MTDH: variants seen among roughly 807,000 people sequenced by gnomAD.
The protein encoded by MTDH is metadherin.
Under a neutral mutation model 72.7 loss-of-function variants are expected in MTDH, and 34 were observed. The ratio of observed to expected loss-of-function variants is 0.47; its 90% CI spans 0.36 to 0.62. The LOEUF is 0.62. Ranked by LOEUF, MTDH falls within the 20% of genes least tolerant of loss-of-function variation. The pLI, the probability that MTDH is intolerant of heterozygous loss-of-function variation, is 0.00. For missense variants in MTDH, 677 were observed against 699.4 expected (o/e 0.97, Z 0.36); for synonymous variants, 266 against 268.9 (o/e 0.99, Z 0.10).
chr8:97,670,799 C>G (rs1321986489), intron 2 of MTDH, among the ~76,000 whole-genome samples: 1 of 151,988 alleles, frequency 6.6e-6, no homozygotes, highest in Non-Finnish European at 1.5e-5. Context: ...CTCTGTTGCC[C>G]AGGCTGGAGT....
intron 9 of MTDH, among the ~76,000 whole-genome samples, chr8:97,715,391 A>C (rs920564994): frequency 1.3e-5 from 2 of 152,036 alleles, no homozygotes; most frequent in African/African-American, 4.8e-5. Context: ...AGCCTCCCAA[A>C]GTGCTGGGAT....
In MTDH at chr8:97,644,841, A is replaced by G; in HGVS notation, c.335A>G (p.Glu112Gly). The part of the protein sequence containing the change: ...DLALLKNLRS[E>G]EQKKKNRKKL... ...GCCTTGCTGAAGAATCTCCGGAGCG[A>G]GGAACAGAAGAAGAAGAACCGGAAG... Residue 112 changes from glutamate to glycine, a missense_variant, in exon 1 of 12, where the codon GAG becomes GGG. This residue lies in a region of MTDH where 467 missense variants were observed against 469.1 expected (regional missense o/e 1.00). Coordinates refer to ENST00000336273, the MANE Select transcript of MTDH (RefSeq NM_178812.4). 1 of 1,577,516 alleles carries G rather than the reference A, an allele frequency of 6.3e-7. No individual in the cohort carries two copies. The highest frequency in any genetic ancestry group is 8.6e-7 in the Non-Finnish European group (1 of 1,169,092).
At chr8:97,705,457 A>T (rs1263605498) in intron 7 of MTDH, among the ~76,000 whole-genome samples, 2 of 130,734 alleles carry the variant, frequency 1.5e-5, no homozygotes, top group Non-Finnish European at 3.3e-5. Context: ...AAAATTAGCC[A>T]GGTGTGGTGG....
At chr8:97,717,372 G>A (rs570881295) in intron 9 of MTDH, among the ~76,000 whole-genome samples, 22 of 152,242 alleles carry the variant, frequency 1.4e-4, no homozygotes, top group Admixed American at 4.6e-4. Context: ...AGCATATAAT[G>A]TGCTCTAGAA....
At chr8:97,694,856 G>C (rs1483511964) in intron 6 of MTDH, among the ~76,000 whole-genome samples, 1 of 151,914 alleles carries the variant, frequency 6.6e-6, no homozygotes, top group Non-Finnish European at 1.5e-5. Context: ...CTGGGAAGCG[G>C]AGATTGCAGT....
At chr8:97,697,380 G>A (rs931400308) in intron 6 of MTDH, among the ~76,000 whole-genome samples, 4 of 134,780 alleles carry the variant, frequency 3.0e-5, no homozygotes, top group South Asian at 2.4e-4. Flanking sequence ...TTATTATTTC[G>A]GTTTTTTTTT....
intron 1 of MTDH, among the ~76,000 whole-genome samples, chr8:97,647,838 G>C (rs946691676): frequency 2.0e-5 from 3 of 152,026 alleles, no homozygotes; most frequent in African/African-American, 7.3e-5. Flanking sequence ...CAGCACTTTG[G>C]GAGGCACTGT....
intron 1 of MTDH, among the ~76,000 whole-genome samples, chr8:97,655,408 A>C (rs969790271): frequency 2.0e-5 from 3 of 152,260 alleles, no homozygotes; most frequent in Admixed American, 6.5e-5. Context: ...AAGAAAGATA[A>C]CATTACAATG....
chr8:97,664,820 G>T (rs1214138883), intron 2 of MTDH, among the ~76,000 whole-genome samples: 2 of 150,858 alleles, frequency 1.3e-5, no homozygotes, highest in Non-Finnish European at 2.9e-5. Flanking sequence ...GGAGTGCAAT[G>T]GCACGATCTC....
chr8:97,712,138 A>G (rs1305175884), intron 8 of MTDH, among the ~76,000 whole-genome samples: 2 of 152,184 alleles, frequency 1.3e-5, no homozygotes, highest in Admixed American at 6.5e-5. Flanking sequence ...CCCAGGTTCA[A>G]GCAGTTCTCC....
At chr8:97,645,687 G>A (rs1440781832) in intron 1 of MTDH, among the ~76,000 whole-genome samples, 1 of 152,206 alleles carries the variant, frequency 6.6e-6, no homozygotes, top group African/African-American at 2.4e-5. Context: ...GCCACGTGTG[G>A]AAGTTGCAGA....
rs76583146 is a variant in MTDH, at chr8:97,715,845, C to T, written c.1380+2076C>T. ...GATAGATGTATTCTGAAATGTTTAACGTATTGGCAAAGGTCATTAACATGT... is the reference window on the plus strand; with the variant it reads ...GATAGATGTATTCTGAAATGTTTAATGTATTGGCAAAGGTCATTAACATGT... On this transcript the variant is annotated intron_variant, in intron 9 of 11. Transcript: ENST00000336273. Among the ~76,000 whole-genome samples, 1,127 of 152,268 alleles carry T rather than the reference C, an allele frequency of 7.4e-3. 32 individuals are homozygous for T. The East Asian group carries it at 0.095, about 13-fold the overall frequency.
At chr8:97,689,705 CT>C (rs34132114) in intron 5 of MTDH, among the ~76,000 whole-genome samples, 48,779 of 123,208 alleles carry the variant, frequency 0.4, 8,822 homozygotes, top group African/African-American at 0.61. Flanking sequence ...TCTTTCAGGC[CT>C]TTTTTTTTTT....
intron 2 of MTDH, among the ~76,000 whole-genome samples, chr8:97,684,155 A>C (rs1813263722): frequency 6.7e-6 from 1 of 150,142 alleles, no homozygotes; most frequent in Admixed American, 6.7e-5. Context: ...AAAAAAAAAA[A>C]CGACTAGTCC....
chr8:97,695,438 G>A (rs747175475), intron 6 of MTDH, among the ~76,000 whole-genome samples: 24 of 152,080 alleles, frequency 1.6e-4, no homozygotes, highest in Middle Eastern at 3.2e-3. Context: ...AAGTTATATA[G>A]CATTTCATAA....
chr8:97,690,686 A>C (rs1389858027), intron 5 of MTDH, among the ~76,000 whole-genome samples: 1 of 152,208 alleles, frequency 6.6e-6, no homozygotes, highest in East Asian at 1.9e-4. Flanking sequence ...TCATATTCTT[A>C]GTGGGTGAGT....
At chr8:97,719,650 A>T (rs1054061063) in intron 10 of MTDH, among the ~76,000 whole-genome samples, 1 of 152,178 alleles carries the variant, frequency 6.6e-6, no homozygotes, top group African/African-American at 2.4e-5. Context: ...TTATAAATGA[A>T]GCTAGAGAAG....
At chr8:97,686,246 C>T (rs1813357976) in intron 2 of MTDH, among the ~76,000 whole-genome samples, 1 of 152,146 alleles carries the variant, frequency 6.6e-6, no homozygotes. Context: ...TATTACAGTA[C>T]TGTATTTATG....
At chr8:97,711,924 T>G (rs1814655601) in intron 8 of MTDH, among the ~76,000 whole-genome samples, 1 of 152,250 alleles carries the variant, frequency 6.6e-6, no homozygotes, top group African/African-American at 2.4e-5. Flanking sequence ...AAGGGGGAAC[T>G]ACCTTTTCAC....
Sources: allele counts gnomAD v4.1 joint callset (sites outside exome capture counted in the v4.1 genomes callset), GRCh38; gene constraint gnomAD v4.1.1; regional missense constraint gnomAD v4.1.1; transcripts MANE v1.5; gene names NCBI Gene and HGNC (gene_info 2026-07-23, HGNC 2026-07-21).